FAM184B: variants seen among roughly 807,000 people sequenced by gnomAD.
The protein encoded by FAM184B is family with sequence similarity 184 member B, also known as protein FAM184B.
Under a neutral mutation model 135.9 loss-of-function variants are expected in FAM184B, and 111 were observed. The observed-to-expected ratio is 0.82, with a 90% confidence interval of 0.70 to 0.96. The LOEUF (loss-of-function observed/expected upper bound fraction) is 0.96, where lower values mean the gene tolerates loss of function less well. Ranked by LOEUF, FAM184B falls within the 40% of genes least tolerant of loss-of-function variation. FAM184B has a pLI of 0.00. For missense variants in FAM184B, 1,375 were observed against 1,323.9 expected (o/e 1.04, Z -0.60); for synonymous variants, 552 against 524.8 (o/e 1.05, Z -0.71).
chr4:17,756,667 G>A lies in FAM184B; in HGVS notation c.141+24492C>T, dbSNP rs551132149. Among the ~76,000 whole-genome samples, 7 of 152,290 alleles carry A rather than the reference G, an allele frequency of 4.6e-5. No homozygotes were observed. The East Asian group carries it at 5.8e-4, about 13-fold the overall frequency. On this transcript the variant is annotated intron_variant, in intron 1 of 17. Coordinates refer to ENST00000265018, the MANE Select transcript of FAM184B (RefSeq NM_015688.2). ...GGGTTGGAGACAGTGGCTCACACCTGTCATCCCAGCACTTTGGAAGGCTGA... is the reference window on the plus strand; with the variant it reads ...GGGTTGGAGACAGTGGCTCACACCTATCATCCCAGCACTTTGGAAGGCTGA...
Position 17,701,212 on chromosome 4 carries a change from T to C in FAM184B, c.1377+3788A>G, listed in dbSNP as rs548079977. Among the ~76,000 whole-genome samples, 7 of 152,254 alleles carry C rather than the reference T, an allele frequency of 4.6e-5. No homozygotes were observed. The South Asian group carries it at 1.5e-3, about 32-fold the overall frequency. On this transcript the variant is annotated intron_variant, in intron 5 of 17. Coordinates refer to ENST00000265018, the MANE Select transcript of FAM184B (RefSeq NM_015688.2). Reference sequence around the variant, plus strand: ...GCTCGAAACATAAATATGCATTCAGTCAATGGTAAATAAACAGTAGATGAA... The same window carrying C: ...GCTCGAAACATAAATATGCATTCAGCCAATGGTAAATAAACAGTAGATGAA...
At chr4:17,778,048 G>A (rs1348437021) in intron 1 of FAM184B, among the ~76,000 whole-genome samples, 2 of 151,742 alleles carry the variant, frequency 1.3e-5, no homozygotes, top group Non-Finnish European at 2.9e-5. Flanking sequence ...TCCAACCTGG[G>A]TGACGTAGTG....
At chr4:17,639,142 G>T in intron 14 of FAM184B, 108 bp downstream of exon 14, 1 of 1,190,628 alleles carries the variant, frequency 8.4e-7, no homozygotes, top group Non-Finnish European at 1.2e-6. Flanking sequence ...CAGAACCCAG[G>T]ACTTTCAATT....
At chr4:17,704,604 T>C (rs555869986) in intron 5 of FAM184B, among the ~76,000 whole-genome samples, 29 of 152,344 alleles carry the variant, frequency 1.9e-4, no homozygotes, top group African/African-American at 7.0e-4. Flanking sequence ...TGAAGTGTGG[T>C]GATAGAGTGG....
At chr4:17,742,798 C>T (rs901050113) in intron 1 of FAM184B, among the ~76,000 whole-genome samples, 7 of 152,212 alleles carry the variant, frequency 4.6e-5, no homozygotes, top group African/African-American at 1.2e-4. Flanking sequence ...TCAAACAGTT[C>T]ATGTGACCTG....
intron 7 of FAM184B, among the ~76,000 whole-genome samples, chr4:17,670,957 C>G (rs1265987931): frequency 6.6e-6 from 1 of 152,176 alleles, no homozygotes; most frequent in African/African-American, 2.4e-5. Flanking sequence ...ATCTGAAAAA[C>G]TGCAACTCAA....
chr4:17,718,715 TG>T (rs1717451702), intron 1 of FAM184B, among the ~76,000 whole-genome samples: 1 of 152,240 alleles, frequency 6.6e-6, no homozygotes, highest in South Asian at 2.1e-4. Flanking sequence ...AAGCCTGTGC[TG>T]GGTACCCACG....
intron 5 of FAM184B, among the ~76,000 whole-genome samples, chr4:17,696,538 G>A (rs1343912120): frequency 2.0e-5 from 3 of 152,196 alleles, no homozygotes; most frequent in Admixed American, 1.3e-4. Context: ...TGGAACCATC[G>A]AGTGTGCTCA....
intron 5 of FAM184B, among the ~76,000 whole-genome samples, chr4:17,703,423 A>G (rs1264419688): frequency 1.3e-5 from 2 of 151,908 alleles, no homozygotes; most frequent in African/African-American, 2.4e-5. Context: ...CCTTGAGCCC[A>G]GGAGGTTGAG....
At chr4:17,745,539 G>T (rs1348849114) in intron 1 of FAM184B, among the ~76,000 whole-genome samples, 1 of 152,132 alleles carries the variant, frequency 6.6e-6, no homozygotes, top group Non-Finnish European at 1.5e-5. Context: ...CCCTTTCATG[G>T]CTGTATCGCA....
chr4:17,766,128 A>G (rs79241847), intron 1 of FAM184B, among the ~76,000 whole-genome samples: 3,528 of 152,308 alleles, frequency 0.023, 115 homozygotes, highest in African/African-American at 0.08. Context: ...TAACCTAACC[A>G]GGTTGCCATT....
At chr4:17,744,546 T>A (rs1051277605) in intron 1 of FAM184B, among the ~76,000 whole-genome samples, 1 of 151,408 alleles carries the variant, frequency 6.6e-6, no homozygotes, top group African/African-American at 2.4e-5. Flanking sequence ...TCTCTGCTGG[T>A]CTTCATTCCG....
At chr4:17,737,777 A>T (rs922745940) in intron 1 of FAM184B, among the ~76,000 whole-genome samples, 2 of 152,162 alleles carry the variant, frequency 1.3e-5, no homozygotes, top group Non-Finnish European at 2.9e-5. Context: ...CTTGAGCATT[A>T]TCTCAAATCT....
At chr4:17,735,660 C>CGGGAGGGCAGAGCTGG (rs1717890911) in intron 1 of FAM184B, among the ~76,000 whole-genome samples, 1 of 152,266 alleles carries the variant, frequency 6.6e-6, no homozygotes, top group African/African-American at 2.4e-5. Flanking sequence ...AAACCCTTCT[C>CGGGAGGGCAGAGCTGG]TATCCAACCG....
At chr4:17,771,869 G>A (rs1718826574) in intron 1 of FAM184B, among the ~76,000 whole-genome samples, 1 of 152,196 alleles carries the variant, frequency 6.6e-6, no homozygotes, top group Non-Finnish European at 1.5e-5. Flanking sequence ...GATATGCCCC[G>A]TGTTGGGTTA....
chr4:17,742,168 A>ATATATATATTTTTTTT (rs1459958150), intron 1 of FAM184B, among the ~76,000 whole-genome samples: 3 of 109,310 alleles, frequency 2.7e-5, no homozygotes, highest in African/African-American at 1.4e-4. Context: ...ATATATATAT[A>ATATATATATTTTTTTT]TTTTTTTTTT....
intron 7 of FAM184B, among the ~76,000 whole-genome samples, chr4:17,685,209 A>AG: frequency 6.6e-6 from 1 of 151,200 alleles, no homozygotes. Flanking sequence ...AAAAAAAAAA[A>AG]AAAAAAAAAG....
At position 17,708,699 on chromosome 4, in the gene FAM184B, A is replaced by G. The variant is rs1341698873; in HGVS notation, c.894+193T>C. 7.9e-3 allele frequency among the ~76,000 whole-genome samples: 426 copies of G among 53,882 alleles called. 3 individuals are homozygous for G. The highest frequency in any genetic ancestry group is 0.012 in the Non-Finnish European group (360 of 30,652). 35.3% of individuals were successfully genotyped at this position (53,882 alleles called of 152,430 possible). On this transcript the variant is annotated intron_variant, in intron 2 of 17. Transcript: ENST00000265018. ...TATATATATATATATATATATATAT[A>G]TATATATATAGTGTCTGTGTGTGTG...
intron 1 of FAM184B, among the ~76,000 whole-genome samples, chr4:17,774,012 T>C (rs921868167): frequency 6.6e-6 from 1 of 152,190 alleles, no homozygotes; most frequent in African/African-American, 2.4e-5. Flanking sequence ...AAAATGGGAA[T>C]TGGAGAATCC....
Sources: allele counts gnomAD v4.1 joint callset (sites outside exome capture counted in the v4.1 genomes callset), GRCh38; gene constraint gnomAD v4.1.1; transcripts MANE v1.5; gene names NCBI Gene and HGNC (gene_info 2026-07-23, HGNC 2026-07-21).